The following RTN4IP1 variants were observed in gnomAD, a reference collection of about 807,000 sequenced individuals.
RTN4IP1 encodes the protein reticulon 4 interacting protein 1, also known as NAD(P)H oxidoreductase RTN4IP1, mitochondrial.
RTN4IP1 carries 32 observed loss-of-function variants against 46.6 expected under a neutral mutation model. The ratio of observed to expected loss-of-function variants is 0.69; its 90% confidence interval spans 0.52 to 0.92. The LOEUF (loss-of-function observed/expected upper bound fraction) is 0.92. Ranked by LOEUF, RTN4IP1 falls within the 40% of genes least tolerant of loss-of-function variation. The pLI is 0.00. For synonymous variants in RTN4IP1, 167 were observed against 161.8 expected (o/e 1.03, Z -0.24); for missense variants, 424 against 485.8 (o/e 0.87, Z 1.20).
At chr6:106,580,980 T>TA (rs11309802) in intron 8 of RTN4IP1, among the ~76,000 whole-genome samples, 14,255 of 137,368 alleles carry the variant, frequency 0.1, 719 homozygotes, top group East Asian at 0.12. Flanking sequence ...CATATGCTGT[T>TA]AAAAAAAAAA....
rs1464231681 is a variant in RTN4IP1, at chr6:106,571,570, A to C, written c.*426T>G. ...AAAAACTAGCTGGGTGTGGTGATGCATACCTGTAGTCCTACCTACTTGAGA... is the reference window on the plus strand; with the variant it reads ...AAAAACTAGCTGGGTGTGGTGATGCCTACCTGTAGTCCTACCTACTTGAGA... On this transcript the variant is annotated 3_prime_UTR_variant, in exon 9 of 9. Transcript: ENST00000369063. 1.3e-5 allele frequency: 2 copies of C among 157,016 alleles called. No homozygotes were observed. Among genetic ancestry groups the C allele is most frequent in the Non-Finnish European group, 2.8e-5 (2 of 71,268 alleles). 9.7% of individuals were successfully genotyped at this position (157,016 alleles called of 1,614,324 possible).
Position 106,619,261 on chromosome 6 carries a change from T to G in RTN4IP1, c.561A>C (p.Thr187=). The G allele has an allele frequency of 6.2e-7, 1 of 1,614,236 alleles. No individual in the cohort carries two copies. The highest frequency in any genetic ancestry group is 8.5e-7 in the Non-Finnish European group (1 of 1,180,018). ...QAASLPYVAL[T]AWSAINKVGG... ...CAACTTTGTTTATAGCAGACCAGGC[T>G]GTGAGAGCCACATATGGCAAAGAGG... The change falls in exon 4 of 9, where the codon ACA becomes ACC. Residue 187 remains threonine, a synonymous_variant. Coordinates refer to ENST00000369063, the MANE Select transcript of RTN4IP1 (RefSeq NM_032730.5).
intron 5 of RTN4IP1, among the ~76,000 whole-genome samples, chr6:106,595,432 T>C (rs1437520769): frequency 6.6e-6 from 1 of 152,170 alleles, no homozygotes; most frequent in Non-Finnish European, 1.5e-5. Flanking sequence ...TATCTGCTTA[T>C]TGGTGGTTGC....
In RTN4IP1 at chr6:106,621,498, AAC is replaced by A. The variant is rs113485443; in HGVS notation, c.427-7_427-6del. 3.1e-6 allele frequency: 5 copies of A among 1,612,964 alleles called. No homozygotes were observed. Among genetic ancestry groups the A allele is most frequent in the Admixed American group, 3.3e-5 (2 of 60,006 alleles). On this transcript the variant is annotated splice_polypyrimidine_tract_variant and splice_region_variant and intron_variant, in intron 2 of 8. Transcript: ENST00000369063. ...AGGAGGAACTGCAGCCCAGACCTGA[AAC>A]ACACACAGACAGACAGCTTCATTAG... is the stretch of plus-strand genomic sequence containing the variant.
At chr6:106,585,041 G>C (rs967239017) in intron 7 of RTN4IP1, among the ~76,000 whole-genome samples, 1 of 152,244 alleles carries the variant, frequency 6.6e-6, no homozygotes, top group Non-Finnish European at 1.5e-5. Context: ...TCTCCAGATA[G>C]GCTGGTCTTA....
rs527342157 is a variant in RTN4IP1, at chr6:106,615,255, A to C, written c.620+3947T>G. ...GCCTTAGAATGCATTTGAAAGAAGA[A>C]GGCTGTCATTTTAATTTTAATATAA... On this transcript the variant is annotated intron_variant, in intron 4 of 8. Transcript: ENST00000369063. Among the ~76,000 whole-genome samples the C allele has an allele frequency of 8.0e-4, 122 of 152,262 alleles. 3 individuals are homozygous for C. In the South Asian group the frequency reaches 0.025, roughly 31 times the overall value.
At chr6:106,609,128 C>T (rs1169890366) in intron 4 of RTN4IP1, among the ~76,000 whole-genome samples, 1 of 152,214 alleles carries the variant, frequency 6.6e-6, no homozygotes, top group East Asian at 1.9e-4. Context: ...AGCCTGGAAC[C>T]TGTTATCTAT....
intron 5 of RTN4IP1, among the ~76,000 whole-genome samples, chr6:106,601,931 T>C (rs1190979170): frequency 6.6e-6 from 1 of 152,098 alleles, no homozygotes; most frequent in African/African-American, 2.4e-5. Context: ...TTTTTCTTTT[T>C]TTAATATGAT....
chr6:106,622,439 T>G (rs902906473), intron 2 of RTN4IP1, among the ~76,000 whole-genome samples: 3 of 152,222 alleles, frequency 2.0e-5, no homozygotes, highest in Non-Finnish European at 2.9e-5. Flanking sequence ...CTCTTTACCT[T>G]GAGTTGATAG....
In RTN4IP1 at chr6:106,587,669, T is replaced by A; in HGVS notation, c.990+10A>T. On this transcript the variant is annotated intron_variant, in intron 7 of 8. Coordinates refer to ENST00000369063, the MANE Select transcript of RTN4IP1 (RefSeq NM_032730.5). ...TGCCTGCAGTCACCAACCAAGACCC[T>A]TCTTCCTACCTTTAATGCCTTTGAA... 6.2e-7 allele frequency: 1 copy of A among 1,603,306 alleles called. No individual in the cohort carries two copies. Among genetic ancestry groups the A allele is most frequent in the Non-Finnish European group, 8.5e-7 (1 of 1,173,414 alleles).
intron 4 of RTN4IP1, among the ~76,000 whole-genome samples, chr6:106,610,462 G>T (rs977888433): frequency 6.6e-6 from 1 of 152,122 alleles, no homozygotes; most frequent in Non-Finnish European, 1.5e-5. Flanking sequence ...TTCACAGCAC[G>T]TTCAATGCAA....
At chr6:106,578,414 T>C (rs1775279456) in intron 8 of RTN4IP1, among the ~76,000 whole-genome samples, 1 of 152,192 alleles carries the variant, frequency 6.6e-6, no homozygotes, top group African/African-American at 2.4e-5. Flanking sequence ...AGTCTGTGAG[T>C]ATGCTATTCA....
At chr6:106,572,353 A>C in intron 8 of RTN4IP1, 1 of 491,212 alleles carries the variant, frequency 2.0e-6, no homozygotes. Context: ...CTGGTCTTTC[A>C]CTCTCCTACT....
At chr6:106,574,910 T>A (rs906448483) in intron 8 of RTN4IP1, among the ~76,000 whole-genome samples, 1 of 152,142 alleles carries the variant, frequency 6.6e-6, no homozygotes, top group African/African-American at 2.4e-5. Context: ...TTGTGGCAAA[T>A]AACCCGAGAG....
At chr6:106,606,609 A>G (rs1473242515) in intron 4 of RTN4IP1, among the ~76,000 whole-genome samples, 1 of 152,114 alleles carries the variant, frequency 6.6e-6, no homozygotes, top group East Asian at 1.9e-4. Flanking sequence ...AAACACTGAT[A>G]AAAGAAATCA....
At chr6:106,629,806 T>A (rs1776776698), upstream of RTN4IP1, 2 of 1,420,400 alleles carry the variant, frequency 1.4e-6, no homozygotes, top group South Asian at 2.5e-5. Context: ...TTGGCCCACC[T>A]CGCTGCTTCC....
chr6:106,572,779 TTTGTTTTTTC>T (rs139179911), intron 8 of RTN4IP1, among the ~76,000 whole-genome samples: 21,174 of 151,774 alleles, frequency 0.14, 1,639 homozygotes, highest in African/African-American at 0.2. Flanking sequence ...TAGTTTTTTT[TTTGTTTTTTC>T]TTTGTTTTTA....
At chr6:106,573,293 A>G (rs939549457) in intron 8 of RTN4IP1, among the ~76,000 whole-genome samples, 5 of 152,248 alleles carry the variant, frequency 3.3e-5, no homozygotes, top group Non-Finnish European at 7.3e-5. Context: ...ACTGGCAGGC[A>G]TAAGTTATCA....
chr6:106,615,544 A>G (rs898897), intron 4 of RTN4IP1, among the ~76,000 whole-genome samples: 103,470 of 151,860 alleles, frequency 0.68, 36,529 homozygotes, highest in South Asian at 0.8. Flanking sequence ...GCATGATCTC[A>G]GCTCACTGTA....
Sources: allele counts gnomAD v4.1 joint callset (sites outside exome capture counted in the v4.1 genomes callset), GRCh38; gene constraint gnomAD v4.1.1; transcripts MANE v1.5; gene names NCBI Gene and HGNC (gene_info 2026-07-23, HGNC 2026-07-21).